The following GABRB2 variants were observed in gnomAD, a reference collection of about 807,000 sequenced individuals.
GABRB2 encodes the protein gamma-aminobutyric acid receptor subunit beta-2.
GABRB2 carries 16 observed loss-of-function variants against 54.7 expected under a neutral mutation model. The observed-to-expected ratio is 0.29, with a 90% CI of 0.20 to 0.44. The LOEUF (loss-of-function observed/expected upper bound fraction) is 0.44, where lower values mean the gene tolerates loss of function less well. Ranked by LOEUF, GABRB2 falls within the 20% of genes least tolerant of loss-of-function variation. The pLI, the probability that GABRB2 is intolerant of heterozygous loss-of-function variation, is 1.00. For synonymous variants in GABRB2, 244 were observed against 233.8 expected, an observed-to-expected ratio of 1.04 and a Z score of -0.40; for missense variants, 355 against 644.0, an observed-to-expected ratio of 0.55 and a Z score of 4.86.
chr5:161,328,213 C>T (rs1398761717), intron 8 of GABRB2, among the ~76,000 whole-genome samples: 1 of 152,128 alleles, frequency 6.6e-6, no homozygotes, highest in Non-Finnish European at 1.5e-5. Flanking sequence ...CTAAACAATA[C>T]ACTGCTTTAG....
At chr5:161,478,675 T>C (rs1320042446) in intron 3 of GABRB2, among the ~76,000 whole-genome samples, 1 of 152,018 alleles carries the variant, frequency 6.6e-6, no homozygotes, top group Admixed American at 6.6e-5. Context: ...CATGAATATC[T>C]TTCATGGTTG....
intron 4 of GABRB2, among the ~76,000 whole-genome samples, chr5:161,444,513 A>C (rs1385552759): frequency 1.3e-5 from 2 of 152,164 alleles, no homozygotes; most frequent in Non-Finnish European, 2.9e-5. Context: ...TATCTTTGAG[A>C]ATATCGCAGT....
At chr5:161,301,920 A>G (rs1757552760) in intron 9 of GABRB2, among the ~76,000 whole-genome samples, 1 of 152,242 alleles carries the variant, frequency 6.6e-6, no homozygotes, top group Non-Finnish European at 1.5e-5. Flanking sequence ...GCCGATGCCA[A>G]CAAAGAAGTC....
chr5:161,508,140 T>TA (rs1301448196), intron 3 of GABRB2, among the ~76,000 whole-genome samples: 2 of 151,790 alleles, frequency 1.3e-5, no homozygotes, highest in East Asian at 3.9e-4. Context: ...CCTACTCTGC[T>TA]ATAGGTACTA....
chr5:161,493,667 A>G (rs963321337), intron 3 of GABRB2, among the ~76,000 whole-genome samples: 90 of 151,848 alleles, frequency 5.9e-4, no homozygotes, highest in African/African-American at 2.1e-3. Context: ...TATTTTAAAA[A>G]TTATGCAGGT....
chr5:161,525,836 T>C (rs549638315), intron 3 of GABRB2, among the ~76,000 whole-genome samples: 5 of 151,248 alleles, frequency 3.3e-5, no homozygotes, highest in Non-Finnish European at 4.4e-5. Flanking sequence ...AACCTGGGGG[T>C]GATAAGTTCT....
chr5:161,402,763 G>T (rs1489346622), intron 5 of GABRB2, among the ~76,000 whole-genome samples: 1 of 152,120 alleles, frequency 6.6e-6, no homozygotes, highest in Non-Finnish European at 1.5e-5. Flanking sequence ...CACTGTGTTA[G>T]AAAGCCTGGA....
intron 3 of GABRB2, among the ~76,000 whole-genome samples, chr5:161,538,777 T>C (rs952340544): frequency 1.3e-5 from 2 of 152,098 alleles, no homozygotes; most frequent in Admixed American, 6.5e-5. Flanking sequence ...TGAGCCAAGA[T>C]TGTGCCACTG....
At chr5:161,491,098 G>C (rs1222015286) in intron 3 of GABRB2, among the ~76,000 whole-genome samples, 1 of 151,606 alleles carries the variant, frequency 6.6e-6, no homozygotes, top group Non-Finnish European at 1.5e-5. Flanking sequence ...ATATGCCCAT[G>C]ACAGCAAAAT....
At chr5:161,508,313 G>A (rs1461108209) in intron 3 of GABRB2, among the ~76,000 whole-genome samples, 1 of 149,304 alleles carries the variant, frequency 6.7e-6, no homozygotes, top group African/African-American at 2.5e-5. Flanking sequence ...TAGATACCAG[G>A]TTCCCTGATC....
chr5:161,295,136 G>GT (rs1419225113), intron 9 of GABRB2, among the ~76,000 whole-genome samples: 4 of 152,220 alleles, frequency 2.6e-5, no homozygotes, highest in African/African-American at 9.7e-5. Flanking sequence ...CAGATCCACT[G>GT]TTGGTGGGGA....
At chr5:161,368,503 A>C (rs1755037176) in intron 5 of GABRB2, among the ~76,000 whole-genome samples, 1 of 152,168 alleles carries the variant, frequency 6.6e-6, no homozygotes, top group African/African-American at 2.4e-5. Context: ...TCATTCTGTA[A>C]AAAATTCTAC....
At chr5:161,295,271 C>T (rs1344721883) in intron 9 of GABRB2, among the ~76,000 whole-genome samples, 1 of 152,156 alleles carries the variant, frequency 6.6e-6, no homozygotes, top group Non-Finnish European at 1.5e-5. Flanking sequence ...ATAGTCAAAT[C>T]ACCTCTCTTG....
intron 5 of GABRB2, among the ~76,000 whole-genome samples, chr5:161,371,179 A>C (rs1653298342): frequency 6.6e-6 from 1 of 152,150 alleles, no homozygotes; most frequent in South Asian, 2.1e-4. Context: ...TGTTATTACA[A>C]GACAATACTT....
intron 5 of GABRB2, among the ~76,000 whole-genome samples, chr5:161,356,804 T>G (rs1306625380): frequency 6.6e-6 from 1 of 152,202 alleles, no homozygotes; most frequent in Non-Finnish European, 1.5e-5. Flanking sequence ...CTTTAGGTCC[T>G]AGTGCTCAAA....
At chr5:161,431,884 G>A (rs1757180517) in intron 4 of GABRB2, among the ~76,000 whole-genome samples, 2 of 152,136 alleles carry the variant, frequency 1.3e-5, no homozygotes, top group Non-Finnish European at 2.9e-5. Flanking sequence ...ATACTGAACT[G>A]GTAGCATTTA....
intron 5 of GABRB2, among the ~76,000 whole-genome samples, chr5:161,386,210 T>C (rs1241545500): frequency 6.6e-6 from 1 of 152,108 alleles, no homozygotes; most frequent in Non-Finnish European, 1.5e-5. Context: ...ACATTTTAAA[T>C]AGTGACATGA....
rs1036652074 is a variant in GABRB2, at chr5:161,289,740, A to G, written c.*4341T>C. ...CTACATAAATAGTAGAGTGTTTCCC[A>G]TAGACGGGCAGAGAGACAGAGTGGG... is the stretch of plus-strand genomic sequence containing the variant. On this transcript the variant is annotated 3_prime_UTR_variant, in exon 10 of 10. Transcript: ENST00000393959. 1.3e-5 allele frequency: 2 copies of G among 151,912 alleles called. No individual in the cohort carries two copies. Among genetic ancestry groups the G allele is most frequent in the East Asian group, 3.9e-4 (2 of 5,176 alleles). 9.4% of individuals were successfully genotyped at this position (151,912 alleles called of 1,614,324 possible).
At position 161,381,041 on chromosome 5, in the gene GABRB2, T is replaced by C. The variant is rs182523175; in HGVS notation, c.541+29934A>G. On this transcript the variant is annotated intron_variant, in intron 5 of 9. Transcript: ENST00000393959. ...AGAGGCTTGTCCACAAATGACAGAA[T>C]TAAGAGACCTCTCAATCTTCCCTGT... is the stretch of plus-strand genomic sequence containing the variant. Among the ~76,000 whole-genome samples the C allele has an allele frequency of 5.0e-3, 757 of 152,244 alleles. 10 individuals are homozygous for C. The highest frequency in any genetic ancestry group is 0.017 in the African/African-American group (724 of 41,526).
Sources: gnomAD v4.1 joint callset for allele counts (sites outside exome capture counted in the v4.1 genomes callset) on GRCh38, gnomAD v4.1.1 for gene constraint, MANE v1.5 for transcripts, NCBI Gene and HGNC (gene_info 2026-07-23, HGNC 2026-07-21) for gene names.